The following IL2RB variants were observed in gnomAD, a reference collection of about 807,000 sequenced individuals.
IL2RB encodes the protein interleukin 2 receptor subunit beta, also known as interleukin-2 receptor subunit beta.
In IL2RB, 17 loss-of-function variants were observed where a neutral mutation model predicts 44.2. That is an observed-to-expected ratio of 0.38 (90% CI 0.26 to 0.58). The LOEUF is 0.58. Ranked by LOEUF, IL2RB falls within the 20% of genes least tolerant of loss-of-function variation. The pLI, the probability that IL2RB is intolerant of heterozygous loss-of-function variation, is 0.63. For synonymous variants in IL2RB, 286 were observed against 297.9 expected, an observed-to-expected ratio of 0.96 and a Z score of 0.41; for missense variants, 624 against 685.5, an observed-to-expected ratio of 0.91 and a Z score of 1.00.
chr22:37,159,385 C>T (rs1000266712), intron 1 of IL2RB, among the ~76,000 whole-genome samples: 2 of 152,066 alleles, frequency 1.3e-5, no homozygotes, highest in South Asian at 2.1e-4. Context: ...TCAAGAGTGA[C>T]GATGCCCTCC....
At chr22:37,150,665 C>T (rs1020749072), upstream of IL2RB, among the ~76,000 whole-genome samples, 4 of 152,162 alleles carry the variant, frequency 2.6e-5, no homozygotes, top group East Asian at 7.7e-4. Context: ...CTATCAAATA[C>T]TAGATCTTAT....
chr22:37,159,163 GAAA>G (rs1922774705), intron 1 of IL2RB, among the ~76,000 whole-genome samples: 1 of 152,074 alleles, frequency 6.6e-6, no homozygotes, highest in African/African-American at 2.4e-5. Context: ...TTGCTGTGAG[GAAA>G]AAGGACGTGT....
intron 1 of IL2RB, among the ~76,000 whole-genome samples, chr22:37,164,083 G>A (rs1451486409): frequency 1.3e-5 from 2 of 152,224 alleles, no homozygotes; most frequent in South Asian, 2.1e-4. Context: ...TGTATCACAC[G>A]TGAGGGTGCG....
intron 1 of IL2RB, among the ~76,000 whole-genome samples, chr22:37,156,993 C>T (rs1922701565): frequency 6.6e-6 from 1 of 152,176 alleles, no homozygotes; most frequent in South Asian, 2.1e-4. Context: ...AAAAGTCCTG[C>T]CCCCACAGTG....
intron 1 of IL2RB, among the ~76,000 whole-genome samples, chr22:37,156,745 G>A (rs1295705858): frequency 1.3e-5 from 2 of 152,324 alleles, no homozygotes; most frequent in East Asian, 3.9e-4. Context: ...TATAAGTAGA[G>A]GGCACACGGG....
Position 37,128,370 on chromosome 22 carries a change from T to C in IL2RB, c.1382A>G (p.Glu461Gly), listed in dbSNP as rs753600029. The change falls in exon 10 of 10, where the codon GAA (glutamate) becomes GGA (glycine). Residue 461 changes from glutamate to glycine, a missense_variant. Physicochemically the swap from Glu to Gly is moderately conservative, Grantham distance 98. Coordinates refer to ENST00000216223, the MANE Select transcript of IL2RB (RefSeq NM_000878.5). The surrounding 1 kb of genome is among the most constrained non-coding windows in gnomAD (Gnocchi z 4.5). Reference protein sequence around the residue: ...GEERMPPSLQERVPRDWDPQP... With the variant: ...GEERMPPSLQGRVPRDWDPQP... ...GGGGTCCCAGTCTCTGGGGACTCTTTCTTGCAAAGAAGGGGGCATCCTCTC... is the reference window on the plus strand; with the variant it reads ...GGGGTCCCAGTCTCTGGGGACTCTTCCTTGCAAAGAAGGGGGCATCCTCTC... 6.6e-7 allele frequency: 1 copy of C among 1,507,926 alleles called. No homozygotes were observed. The highest frequency in any genetic ancestry group is 8.9e-7 in the Non-Finnish European group (1 of 1,129,350). 93.4% of individuals were successfully genotyped at this position (1,507,926 alleles called of 1,614,324 possible).
chr22:37,170,990 T>G (rs229498), intron 1 of IL2RB, among the ~76,000 whole-genome samples: 135,567 of 151,824 alleles, frequency 0.89, 62,100 homozygotes, highest in East Asian at 1. Flanking sequence ...CTCTTTTTTT[T>G]GGGTGGGGAG....
rs1045012882 is a variant in IL2RB, at chr22:37,127,863, C to A, written c.*233G>T. The A allele has an allele frequency of 5.1e-6, 2 of 392,318 alleles. No homozygotes were observed. Among genetic ancestry groups the A allele is most frequent in the Non-Finnish European group, 9.0e-6 (2 of 221,594 alleles). 24.3% of individuals were successfully genotyped at this position (392,318 alleles called of 1,614,324 possible). Reference sequence around the variant, plus strand: ...ACGAGGGAGTTGGGGAGTTACTGCCCCCCTGCAACACACACAGTTCCTGGC... The same window carrying A: ...ACGAGGGAGTTGGGGAGTTACTGCCACCCTGCAACACACACAGTTCCTGGC... On this transcript the variant is annotated 3_prime_UTR_variant, in exon 10 of 10. Coordinates refer to ENST00000216223, the MANE Select transcript of IL2RB (RefSeq NM_000878.5).
At position 37,128,170 on chromosome 22, in the gene IL2RB, G is replaced by A. The variant is rs377234631; in HGVS notation, c.1582C>T (p.Arg528Cys). ...TAGGCATCAGTGTTCAGGGGCAGGC[G>A]AGCATTAAGGGCCCTGAACTCCCCC... ...GQGEFRALNA[R>C]LPLNTDAYLS... Residue 528 changes from arginine to cysteine, a missense_variant, in exon 10 of 10, where the codon CGC (arginine) becomes TGC (cysteine). Around this residue, in one of 3 missense-constraint regions of IL2RB, gnomAD observed 291 missense variants for 275.5 expected, o/e 1.06. Coordinates refer to ENST00000216223, the MANE Select transcript of IL2RB (RefSeq NM_000878.5). The surrounding 1 kb of genome is among the most constrained non-coding windows in gnomAD (Gnocchi z 4.5). 47 of 1,563,008 alleles carry A rather than the reference G, an allele frequency of 3.0e-5. No homozygotes were observed. Among genetic ancestry groups the A allele is most frequent in the Middle Eastern group, 1.7e-4 (1 of 5,834 alleles).
chr22:37,137,716 G>T lies in IL2RB; in HGVS notation c.408C>A (p.Ile136=), dbSNP rs1446940390. 1 of 1,614,082 alleles carries T rather than the reference G, an allele frequency of 6.2e-7. No individual in the cohort carries two copies. The highest frequency in any genetic ancestry group is 8.5e-7 in the Non-Finnish European group (1 of 1,179,928). Residue 136 remains isoleucine (I), a synonymous_variant, in exon 6 of 10, where the codon ATC becomes ATA. Coordinates refer to ENST00000216223, the MANE Select transcript of IL2RB (RefSeq NM_000878.5). The part of the protein sequence containing the change: ...PFENLRLMAP[I]SLQVVHVETH... ...TCTCCACGTGGACAACTTGGAGGGA[G>T]ATGGGGGCCATCAGGCGAACTGGAG...
rs1921155280 is a variant in IL2RB, at chr22:37,127,128, TCCC to T, written c.*965_*967del. 1.3e-5 allele frequency: 2 copies of T among 152,136 alleles called. No individual in the cohort carries two copies. Among genetic ancestry groups the T allele is most frequent in the African/African-American group, 4.8e-5 (2 of 41,406 alleles). The allele number at this position is 152,136 out of a possible 1,614,324, so 9.4% of individuals were successfully genotyped here. On this transcript the variant is annotated 3_prime_UTR_variant, in exon 10 of 10. Transcript: ENST00000216223. The stretch of plus-strand genomic sequence containing the variant: ...CTGGGCCTCGGACTCCAGGGTTTAC[TCCC>T]CATCAGCTTCTCTTGTGGGTCTGTG...
At chr22:37,135,572 G>T in intron 7 of IL2RB, 130 bp from the exon 8 acceptor site, 1 of 624,374 alleles carries the variant, frequency 1.6e-6, no homozygotes, top group East Asian at 2.7e-5. Context: ...GCTGGGGACA[G>T]GGTTCTGCTA....
upstream of IL2RB, among the ~76,000 whole-genome samples, chr22:37,154,430 G>C (rs972846613): frequency 3.9e-5 from 6 of 152,242 alleles, no homozygotes; most frequent in African/African-American, 1.4e-4. Context: ...CTGCTTCCCA[G>C]CCTCCCTTGC....
At chr22:37,166,554 C>T (rs1053866041) in intron 1 of IL2RB, among the ~76,000 whole-genome samples, 1 of 152,220 alleles carries the variant, frequency 6.6e-6, no homozygotes, top group Non-Finnish European at 1.5e-5. Context: ...TCCACATCCA[C>T]GACACCTTCT....
intron 1 of IL2RB, among the ~76,000 whole-genome samples, chr22:37,160,238 A>G (rs531126874): frequency 6.6e-6 from 1 of 152,364 alleles, no homozygotes; most frequent in East Asian, 1.9e-4. Context: ...TGTGGGGAGC[A>G]GCGGGATGGC....
chr22:37,128,677 A>C lies in IL2RB; in HGVS notation c.1075T>G (p.Phe359Val). The C allele has an allele frequency of 6.2e-7, 1 of 1,614,180 alleles. No homozygotes were observed. The highest frequency in any genetic ancestry group is 8.5e-7 in the Non-Finnish European group (1 of 1,179,986). The change falls in exon 10 of 10, where the codon TTC becomes GTC. Residue 359 changes from phenylalanine to valine, a missense_variant. Phe to Val is a conservative substitution (Grantham distance 50). Around this residue, in one of 3 missense-constraint regions of IL2RB, gnomAD observed 291 missense variants for 275.5 expected, o/e 1.06. Coordinates refer to ENST00000216223, the MANE Select transcript of IL2RB (RefSeq NM_000878.5). The surrounding 1 kb of genome is among the most constrained non-coding windows in gnomAD (Gnocchi z 4.5). ...AAGAAGAAGTAACCCTGGTTGGTGA[A>C]GCAGCTGGTCAGCGAGTGGTTGCTG... ...LSSNHSLTSCFTNQGYFFFHL... is the reference protein window; with the variant it reads ...LSSNHSLTSCVTNQGYFFFHL...
intron 8 of IL2RB, among the ~76,000 whole-genome samples, 161 bp from the exon 9 acceptor site, chr22:37,132,629 G>A (rs1181369068): frequency 6.6e-6 from 1 of 152,252 alleles, no homozygotes; most frequent in Admixed American, 6.5e-5. Context: ...AGGACGCTGT[G>A]TTGGGCACTG....
At chr22:37,144,021 T>G in intron 2 of IL2RB, 64 bp downstream of exon 2, 1 of 1,548,080 alleles carries the variant, frequency 6.5e-7, no homozygotes, top group Non-Finnish European at 8.7e-7. Context: ...GGAAGAGGCT[T>G]TAGCAGGGCC....
intron 8 of IL2RB, among the ~76,000 whole-genome samples, chr22:37,132,859 G>A (rs1456844341): frequency 6.6e-6 from 1 of 152,232 alleles, no homozygotes; most frequent in African/African-American, 2.4e-5. Context: ...TGAACCAGGA[G>A]GCGGGAGAGA....
Sources: gnomAD v4.1 joint callset for allele counts (sites outside exome capture counted in the v4.1 genomes callset) on GRCh38, gnomAD v4.1.1 for gene constraint, gnomAD v4.1.1 regional missense constraint, Gnocchi (gnomAD v3.1) non-coding constraint, MANE v1.5 for transcripts, NCBI Gene and HGNC (gene_info 2026-07-23, HGNC 2026-07-21) for gene names.